The following SLC2A1 variants were observed in gnomAD, a reference collection of about 807,000 sequenced individuals.
SLC2A1 encodes solute carrier family 2, facilitated glucose transporter member 1.
SLC2A1 carries 4 observed loss-of-function variants against 46.6 expected under a neutral mutation model. The ratio of observed to expected loss-of-function variants is 0.09; its 90% CI spans 0.04 to 0.20. The LOEUF is 0.20. Among genes scored for constraint, SLC2A1 ranks in the 10% least tolerant of loss-of-function variants. The pLI is 1.00. For missense variants in SLC2A1, 352 were observed against 667.0 expected (o/e 0.53, Z 5.20); for synonymous variants, 253 against 270.0 (o/e 0.94, Z 0.62).
chr1:42,933,434 A>T (rs1343037924), intron 2 of SLC2A1, among the ~76,000 whole-genome samples: 1 of 152,062 alleles, frequency 6.6e-6, no homozygotes, highest in Admixed American at 6.5e-5. Flanking sequence ...GTCTTCCCTG[A>T]GGAAGACAGT....
intron 2 of SLC2A1, among the ~76,000 whole-genome samples, chr1:42,938,573 T>G (rs1252653280): frequency 6.6e-6 from 1 of 152,212 alleles, no homozygotes; most frequent in Non-Finnish European, 1.5e-5. Flanking sequence ...TCACCACTTG[T>G]GGGGCAAAGT....
In SLC2A1 at chr1:42,931,213, G is replaced by T. The variant is rs368655032; in HGVS notation, c.115-7C>A. ...TGTAGAACTCCTCGATCACCTGCAGGGGGAGATGCAGCCTGGGTGAGCAAG... is the reference window on the plus strand; with the variant it reads ...TGTAGAACTCCTCGATCACCTGCAGTGGGAGATGCAGCCTGGGTGAGCAAG... On this transcript the variant is annotated splice_region_variant and splice_polypyrimidine_tract_variant and intron_variant, in intron 2 of 9. Coordinates refer to ENST00000426263, the MANE Select transcript of SLC2A1 (RefSeq NM_006516.4). 3.7e-6 allele frequency: 6 copies of T among 1,612,880 alleles called. No individual in the cohort carries two copies. Among genetic ancestry groups the T allele is most frequent in the Non-Finnish European group, 5.1e-6 (6 of 1,179,076 alleles).
At position 42,927,799 on chromosome 1, in the gene SLC2A1, G is replaced by A. The variant is rs747658630; in HGVS notation, c.1084C>T (p.Pro362Ser). 150 of 1,612,726 alleles carry A rather than the reference G, an allele frequency of 9.3e-5. No individual in the cohort carries two copies. The highest frequency in any genetic ancestry group is 1.3e-4 in the Non-Finnish European group (148 of 1,179,278). ...TIALALLEQLPWMSYLSIVAI... is the reference protein window; with the variant it reads ...TIALALLEQLSWMSYLSIVAI... The stretch of plus-strand genomic sequence containing the variant: ...ACGATGCTCAGATAGGACATCCAGG[G>A]TAGCTGCTCCTGTTGAGGATGACGG... The change falls in exon 9 of 10, where the codon CCC becomes TCC. Residue 362 changes from proline to serine, a missense_variant. Pro to Ser is a moderately conservative substitution (Grantham distance 74). Transcript: ENST00000426263. This position sits in a 1 kb window ranked among gnomAD's most constrained non-coding sequence, Gnocchi z 5.3.
At chr1:42,958,201 G>A (rs1643799985) in intron 1 of SLC2A1, among the ~76,000 whole-genome samples, 1 of 151,792 alleles carries the variant, frequency 6.6e-6, no homozygotes, top group South Asian at 2.1e-4. Flanking sequence ...GCCGGGGCCG[G>A]GCCGGGGGCT....
intron 1 of SLC2A1, among the ~76,000 whole-genome samples, chr1:42,947,475 A>T (rs945304775): frequency 6.6e-6 from 1 of 150,614 alleles, no homozygotes; most frequent in African/African-American, 2.4e-5. Context: ...TGATCCCAGA[A>T]CTTTGGGAGG....
intron 1 of SLC2A1, among the ~76,000 whole-genome samples, chr1:42,947,253 A>T (rs905907674): frequency 1.3e-5 from 2 of 151,978 alleles, no homozygotes; most frequent in African/African-American, 4.8e-5. Flanking sequence ...TTCTTGTGGG[A>T]GCCTTTTTTA....
At chr1:42,928,816 A>G (rs996290477) in intron 8 of SLC2A1, 116 bp downstream of exon 8, 3 of 887,878 alleles carry the variant, frequency 3.4e-6, no homozygotes, top group Non-Finnish European at 5.7e-6. Flanking sequence ...ACCCACAGCC[A>G]GGGAGAATGC....
chr1:42,929,641 G>A lies in SLC2A1; in HGVS notation c.819C>T (p.Leu273=). 1.2e-6 allele frequency: 2 copies of A among 1,613,892 alleles called. No individual in the cohort carries two copies. The highest frequency in any genetic ancestry group is 1.7e-6 in the Non-Finnish European group (2 of 1,180,012). Residue 273 remains leucine, a synonymous_variant, in exon 6 of 10, where the codon CTC becomes CTT. Transcript: ENST00000426263. The surrounding 1 kb of genome is among the most constrained non-coding windows in gnomAD (Gnocchi z 6.0). Reference sequence around the variant, plus strand: ...GGGACAGCTGCAGCACCACAGCGATGAGGATGGGCTGGCGGTAGGCGGGGG... The same window carrying A: ...GGGACAGCTGCAGCACCACAGCGATAAGGATGGGCTGGCGGTAGGCGGGGG... The part of the protein sequence containing the change: ...FRSPAYRQPI[L]IAVVLQLSQQ...
At position 42,939,095 on chromosome 1, in the gene SLC2A1, A is replaced by G. The variant is rs561240639; in HGVS notation, c.114+4131T>C. ...GTGGATGCTCAGGAAGTCCTGGCTG[A>G]ATGAAAGGGTTGGCCAGATGGAATC... is the stretch of plus-strand genomic sequence containing the variant. On this transcript the variant is annotated intron_variant, in intron 2 of 9. Coordinates refer to ENST00000426263, the MANE Select transcript of SLC2A1 (RefSeq NM_006516.4). Among the ~76,000 whole-genome samples, 86 of 152,332 alleles carry G rather than the reference A, an allele frequency of 5.6e-4. 1 individual carries two copies. Among genetic ancestry groups the G allele is most frequent in the African/African-American group, 2.0e-3 (83 of 41,576 alleles).
At chr1:42,944,983 T>C (rs1379160786) in intron 1 of SLC2A1, among the ~76,000 whole-genome samples, 1 of 151,982 alleles carries the variant, frequency 6.6e-6, no homozygotes, top group Non-Finnish European at 1.5e-5. Flanking sequence ...GAGTGGGTAG[T>C]GAGCAGCTGA....
chr1:42,944,411 G>A (rs1463006831), intron 1 of SLC2A1, among the ~76,000 whole-genome samples: 11 of 152,166 alleles, frequency 7.2e-5, no homozygotes, highest in Admixed American at 6.5e-4. Flanking sequence ...ACAGGGCTGC[G>A]GGAGGCATGC....
Position 42,927,332 on chromosome 1 carries a change from G to C in SLC2A1, c.1279-91C>G, listed in dbSNP as rs916336237. ...TAAGTCACTTTACCTTTGGGCCTTT[G>C]AGCTGAAAAGGGAACATCCACCTAC... On this transcript the variant is annotated intron_variant, in intron 9 of 9. Transcript: ENST00000426263. This position sits in a 1 kb window ranked among gnomAD's most constrained non-coding sequence, Gnocchi z 5.3. 8.2e-7 allele frequency: 1 copy of C among 1,221,640 alleles called. No individual in the cohort carries two copies. The highest frequency in any genetic ancestry group is 1.2e-6 in the Non-Finnish European group (1 of 836,892). 75.7% of individuals were successfully genotyped at this position (1,221,640 alleles called of 1,614,324 possible).
In SLC2A1 at chr1:42,930,799, G is replaced by A. The variant is rs539490455; in HGVS notation, c.343C>T (p.Leu115=). The A allele has an allele frequency of 7.5e-5, 120 of 1,601,808 alleles. No homozygotes were observed. The highest frequency in any genetic ancestry group is 9.7e-5 in the Non-Finnish European group (115 of 1,179,958). The change falls in exon 4 of 10, where the codon CTG becomes TTG. Residue 115 remains leucine (L), a synonymous_variant. Coordinates refer to ENST00000426263, the MANE Select transcript of SLC2A1 (RefSeq NM_006516.4). This position sits in a 1 kb window ranked among gnomAD's most constrained non-coding sequence, Gnocchi z 6.2. ...ATCAGCATCTCAAAGGACTTGCCCAGTTTCGAGAAGCCCATGAGCACGGCG... is the reference window on the plus strand; with the variant it reads ...ATCAGCATCTCAAAGGACTTGCCCAATTTCGAGAAGCCCATGAGCACGGCG... ...VSAVLMGFSK[L]GKSFEMLILG... is the part of the protein sequence containing the mutation.
In SLC2A1 at chr1:42,927,272, G is replaced by T; in HGVS notation, c.1279-31C>A. The T allele has an allele frequency of 6.2e-7, 1 of 1,604,130 alleles. No individual in the cohort carries two copies. The highest frequency in any genetic ancestry group is 1.1e-5 in the South Asian group (1 of 90,816). On this transcript the variant is annotated intron_variant, in intron 9 of 9. Coordinates refer to ENST00000426263, the MANE Select transcript of SLC2A1 (RefSeq NM_006516.4). The surrounding 1 kb of genome is among the most constrained non-coding windows in gnomAD (Gnocchi z 5.3). Reference sequence around the variant, plus strand: ...AGACACACAGACACACTTGGTTGGAGTCATGACCCTACATCCTGGCTGTAG... The same window carrying T: ...AGACACACAGACACACTTGGTTGGATTCATGACCCTACATCCTGGCTGTAG...
At position 42,925,996 on chromosome 1, in the gene SLC2A1, A is replaced by C. The variant is rs1643421280; in HGVS notation, c.*1045T>G. On this transcript the variant is annotated 3_prime_UTR_variant, in exon 10 of 10. Coordinates refer to ENST00000426263, the MANE Select transcript of SLC2A1 (RefSeq NM_006516.4). ...ATATATTCTCTGGGTAACAGGGATC[A>C]AACAGATTTTTGAGCAAGAGGACAC... 6.6e-6 allele frequency: 1 copy of C among 152,416 alleles called. No homozygotes were observed. Among genetic ancestry groups the C allele is most frequent in the South Asian group, 2.1e-4 (1 of 4,836 alleles). 9.4% of individuals were successfully genotyped at this position (152,416 alleles called of 1,614,324 possible). A position where few individuals can be genotyped will look rare whatever the true frequency, so the allele number is the denominator to read the frequency against.
chr1:42,958,506 G>C (rs1222578060), intron 1 of SLC2A1, 128 bp downstream of exon 1: 5 of 642,190 alleles, frequency 7.8e-6, no homozygotes, highest in South Asian at 5.7e-5. Flanking sequence ...AGCCAGGCTC[G>C]GAGAGGCGCG....
In SLC2A1 at chr1:42,929,880, G is replaced by A; in HGVS notation, c.672C>T (p.Ala224=). The stretch of plus-strand genomic sequence containing the variant: ...GCAGGGCCATGCCCGTACCACTCTT[G>A]GCCCGGTTCTCCTCGTTGCGGTTGA... ...LLINRNEENR[A]KSVLKKLRGT... is the part of the protein sequence containing the mutation. The change falls in exon 5 of 10, where the codon GCC becomes GCT. Residue 224 remains alanine (A), a synonymous_variant. Coordinates refer to ENST00000426263, the MANE Select transcript of SLC2A1 (RefSeq NM_006516.4). This position sits in a 1 kb window ranked among gnomAD's most constrained non-coding sequence, Gnocchi z 6.0. The A allele has an allele frequency of 5.0e-6, 8 of 1,614,200 alleles. No individual in the cohort carries two copies. Among genetic ancestry groups the A allele is most frequent in the Admixed American group, 1.7e-5 (1 of 60,026 alleles).
chr1:42,956,725 A>G (rs1444188709), intron 1 of SLC2A1, among the ~76,000 whole-genome samples: 1 of 152,256 alleles, frequency 6.6e-6, no homozygotes, highest in Non-Finnish European at 1.5e-5. Context: ...CTGCTACACT[A>G]TTTAGAACCA....
At chr1:42,942,798 TG>T (rs1643611155) in intron 2 of SLC2A1, among the ~76,000 whole-genome samples, 1 of 151,916 alleles carries the variant, frequency 6.6e-6, no homozygotes, top group African/African-American at 2.4e-5. Flanking sequence ...ACCTGCAGGC[TG>T]GGAGTGGTGC....
Sources: allele counts gnomAD v4.1 joint callset (sites outside exome capture counted in the v4.1 genomes callset), GRCh38; gene constraint gnomAD v4.1.1; non-coding constraint Gnocchi (gnomAD v3.1); transcripts MANE v1.5; gene names NCBI Gene and HGNC (gene_info 2026-07-23, HGNC 2026-07-21).